NFATC2: variants seen among roughly 807,000 people sequenced by gnomAD.
NFATC2 encodes the protein nuclear factor of activated T-cells, cytoplasmic 2.
Under a neutral mutation model 87.3 loss-of-function variants are expected in NFATC2, and 22 were observed. The observed-to-expected ratio is 0.25, with a 90% CI of 0.18 to 0.36. The LOEUF (loss-of-function observed/expected upper bound fraction) is 0.36. NFATC2 is among the 10% of genes least tolerant of loss of function. The pLI, the probability that NFATC2 is intolerant of heterozygous loss-of-function variation, is 1.00. For synonymous variants in NFATC2, 565 were observed against 542.2 expected (o/e 1.04, Z -0.58); for missense variants, 1,149 against 1,259.1 (o/e 0.91, Z 1.32).
In NFATC2 at chr20:51,391,184, G is replaced by A; in HGVS notation, c.*312C>T. 1.4e-6 allele frequency: 1 copy of A among 694,196 alleles called. No individual in the cohort carries two copies. Among genetic ancestry groups the A allele is most frequent in the South Asian group, 1.5e-5 (1 of 66,850 alleles). The allele number at this position is 694,196 out of a possible 1,614,324, so 43.0% of individuals were successfully genotyped here. On this transcript the variant is annotated 3_prime_UTR_variant, in exon 11 of 11. Coordinates refer to ENST00000371564, the MANE Select transcript of NFATC2 (RefSeq NM_012340.5). ...ATTAAGATCAACCAGGATGCTCTCT[G>A]GGATTTAAAACATAAACCGAAAAGA...
At position 51,474,020 on chromosome 20, in the gene NFATC2, T is replaced by C. The variant is rs1988483300; in HGVS notation, c.1668A>G (p.Arg556=). The change falls in exon 5 of 11, where the codon AGA becomes AGG. Residue 556 remains arginine, a synonymous_variant. Coordinates refer to ENST00000371564, the MANE Select transcript of NFATC2 (RefSeq NM_012340.5). ...FRVHIPESSG[R]IVSLQTASNP... ...TAGATGCAGTCTGTAAAGAGACGAT[T>C]CTGCCACTGGACTCTGGGATGTGAA... 6.2e-7 allele frequency: 1 copy of C among 1,614,146 alleles called. No homozygotes were observed. The highest frequency in any genetic ancestry group is 1.1e-5 in the South Asian group (1 of 91,094).
At position 51,523,101 on chromosome 20, in the gene NFATC2, C is replaced by T. The variant is rs144416349; in HGVS notation, c.1140G>A (p.Val380=). ...LVPPTWPKPL[V]PAIPICSIPV... ...CTCACCTGCAGATGGGAATGGCAGGCACCAGCGGCTTGGGCCAAGTGGGCG... is the reference window on the plus strand; with the variant it reads ...CTCACCTGCAGATGGGAATGGCAGGTACCAGCGGCTTGGGCCAAGTGGGCG... The change falls in exon 2 of 11, where the codon GTG becomes GTA. Residue 380 remains valine, a synonymous_variant. Coordinates refer to ENST00000371564, the MANE Select transcript of NFATC2 (RefSeq NM_012340.5). The surrounding 1 kb of genome is among the most constrained non-coding windows in gnomAD (Gnocchi z 6.9). 6.2e-7 allele frequency: 1 copy of T among 1,614,128 alleles called. No homozygotes were observed. The highest frequency in any genetic ancestry group is 1.3e-5 in the African/African-American group (1 of 74,958).
chr20:51,398,814 A>ATCATCCAAGCCCAGGAGGGAAC, intron 9 of NFATC2, 84 bp from the exon 10 acceptor site: 2 of 937,282 alleles, frequency 2.1e-6, no homozygotes, highest in Non-Finnish European at 1.7e-6. Flanking sequence ...TCATGCCGAT[A>ATCATCCAAGCCCAGGAGGGAAC]TCATCCAAGC....
rs943785272 is a variant in NFATC2, at chr20:51,435,229, T to C, written c.1991A>G (p.Lys664Arg). The C allele has an allele frequency of 1.2e-6, 2 of 1,614,198 alleles. No homozygotes were observed. Among genetic ancestry groups the C allele is most frequent in the Non-Finnish European group, 1.7e-6 (2 of 1,180,024 alleles). ...GTGCTGAGGCTGACTTCGTTTTCTC[T>C]TCCCATTGATGACGTAGAAGTTCAC... ...VKVNFYVINGKRKRSQPQHFT... is the reference protein window; with the variant it reads ...VKVNFYVINGRRKRSQPQHFT... The change falls in exon 8 of 11, where the codon AAG becomes AGG. Residue 664 changes from lysine to arginine, a missense_variant. Physicochemically the swap from Lys to Arg is conservative, Grantham distance 26. Around this residue, in one of 3 missense-constraint regions of NFATC2, gnomAD observed 581 missense variants for 649.7 expected, o/e 0.89. Transcript: ENST00000371564.
chr20:51,561,484 A>C (rs8115904), intron 1 of NFATC2, among the ~76,000 whole-genome samples: 8,413 of 89,352 alleles, frequency 0.094, 572 homozygotes, highest in Non-Finnish European at 0.12. Flanking sequence ...AGAAAGAAAG[A>C]AAGCAAGCAA....
chr20:51,548,839 G>C (rs1355648418), intron 1 of NFATC2, among the ~76,000 whole-genome samples: 3 of 152,216 alleles, frequency 2.0e-5, no homozygotes, highest in African/African-American at 7.2e-5. Flanking sequence ...TCTTTGCTCA[G>C]CTTTATGGGA....
rs1254610739 is a variant in NFATC2 at position 51,477,579 on chromosome 20, AT to A, written c.1333-1920del. Among the ~76,000 whole-genome samples the A allele has an allele frequency of 1.0e-2, 954 of 95,742 alleles. 13 individuals carry two copies. Among genetic ancestry groups the A allele is most frequent in the South Asian group, 0.022 (68 of 3,042 alleles). The allele number at this position is 95,742 out of a possible 152,430, so 62.8% of individuals were successfully genotyped here. A position where few individuals can be genotyped will look rare whatever the true frequency, so the allele number is the denominator to read the frequency against. ...TATATATATATATATATATATATAT[AT>A]AAAATAACAAGAGACAAAAGGACAT... On this transcript the variant is annotated intron_variant, in intron 3 of 10. Transcript: ENST00000371564.
chr20:51,445,196 G>A (rs1555878298), intron 6 of NFATC2, among the ~76,000 whole-genome samples: 2 of 151,938 alleles, frequency 1.3e-5, no homozygotes, highest in Non-Finnish European at 2.9e-5. Flanking sequence ...AGCTGGGCCT[G>A]CCCCCCGCAG....
chr20:51,413,254 C>T (rs1355788950), intron 9 of NFATC2, among the ~76,000 whole-genome samples: 1 of 151,968 alleles, frequency 6.6e-6, no homozygotes, highest in Admixed American at 6.6e-5. Context: ...TCTGTCAATC[C>T]ACTGTGCCCT....
At chr20:51,525,006 G>A (rs576724302) in intron 1 of NFATC2, among the ~76,000 whole-genome samples, 5 of 152,106 alleles carry the variant, frequency 3.3e-5, no homozygotes, top group African/African-American at 1.2e-4. Flanking sequence ...GATCACTTGC[G>A]GTCAGGAGTT....
At chr20:51,475,313 C>T (rs1369945866) in intron 4 of NFATC2, 145 bp downstream of exon 4, 5 of 795,266 alleles carry the variant, frequency 6.3e-6, no homozygotes, top group Non-Finnish European at 1.0e-5. Flanking sequence ...ACAGAAATCA[C>T]AACGGGTCGA....
At chr20:51,516,111 T>C (rs1195204129) in intron 3 of NFATC2, among the ~76,000 whole-genome samples, 4 of 151,738 alleles carry the variant, frequency 2.6e-5, no homozygotes, top group Admixed American at 6.6e-5. Flanking sequence ...TGGGGAAAAA[T>C]AGGCACACTT....
intron 5 of NFATC2, among the ~76,000 whole-genome samples, chr20:51,466,092 GC>G (rs1987656725): frequency 6.6e-6 from 1 of 151,980 alleles, no homozygotes; most frequent in South Asian, 2.1e-4. Flanking sequence ...TCACTCTGTC[GC>G]CCAGGCTGGA....
chr20:51,406,431 G>A (rs1978332484), intron 9 of NFATC2, among the ~76,000 whole-genome samples: 1 of 152,194 alleles, frequency 6.6e-6, no homozygotes, highest in African/African-American at 2.4e-5. Context: ...GCGGGGAGCA[G>A]ATACTGAGAT....
intron 10 of NFATC2, among the ~76,000 whole-genome samples, chr20:51,396,256 C>T (rs1987123434): frequency 6.6e-6 from 1 of 151,812 alleles, no homozygotes; most frequent in African/African-American, 2.4e-5. Flanking sequence ...CTAAAAGGCC[C>T]AGACACCTGC....
upstream of NFATC2, among the ~76,000 whole-genome samples, chr20:51,547,071 T>A (rs1428502644): frequency 1.3e-5 from 2 of 152,108 alleles, 1 homozygote; most frequent in Admixed American, 1.3e-4. Context: ...TGAAAGCAAT[T>A]GGGAACAACT....
intron 9 of NFATC2, among the ~76,000 whole-genome samples, chr20:51,418,948 G>GC (rs1163176517): frequency 7.0e-6 from 1 of 142,324 alleles, no homozygotes; most frequent in African/African-American, 3.0e-5. Flanking sequence ...ATAGGCGTGA[G>GC]CCACCCCCAC....
intron 1 of NFATC2, among the ~76,000 whole-genome samples, chr20:51,561,388 A>G (rs1256831275): frequency 2.0e-5 from 3 of 148,828 alleles, no homozygotes; most frequent in Non-Finnish European, 4.4e-5. Context: ...AAAGAAAGAA[A>G]GAAAGAGAGA....
intron 4 of NFATC2, 111 bp downstream of exon 4, chr20:51,475,347 A>G (rs1483451693): frequency 3.0e-6 from 3 of 1,009,808 alleles, no homozygotes; most frequent in Non-Finnish European, 4.6e-6. Flanking sequence ...GAGAACTGCC[A>G]TCAACAGCTG....
Sources: gnomAD v4.1 joint callset for allele counts (sites outside exome capture counted in the v4.1 genomes callset) on GRCh38, gnomAD v4.1.1 for gene constraint, gnomAD v4.1.1 regional missense constraint, Gnocchi (gnomAD v3.1) non-coding constraint, MANE v1.5 for transcripts, NCBI Gene and HGNC (gene_info 2026-07-23, HGNC 2026-07-21) for gene names.